Variants in PDCD11 observed in about 807,000 individuals in gnomAD.
PDCD11 encodes protein RRP5 homolog.
A neutral mutation model predicts 198.9 loss-of-function variants in PDCD11; 97 were observed. That is an observed-to-expected ratio of 0.49 (90% CI 0.41 to 0.58). PDCD11 has a LOEUF of 0.58. Ranked by LOEUF, PDCD11 falls within the 20% of genes least tolerant of loss-of-function variation. PDCD11 has a pLI of 0.00. For missense variants in PDCD11, 2,102 were observed against 2,312.7 expected (o/e 0.91, Z 1.87); for synonymous variants, 893 against 918.0 (o/e 0.97, Z 0.49).
Position 103,405,136 on chromosome 10 carries a change from A to C in PDCD11, c.517A>C (p.Lys173Gln). 1 of 1,613,972 alleles carries C rather than the reference A, an allele frequency of 6.2e-7. No homozygotes were observed. The highest frequency in any genetic ancestry group is 8.5e-7 in the Non-Finnish European group (1 of 1,179,898). ...GAGTGTCAAGCTGTCTCTGAACCCC[A>C]AAAATGTCAACAGAGTGCTGAGTGC... ...KKSVKLSLNP[K>Q]NVNRVLSAEA... The change falls in exon 5 of 36, where the codon AAA (lysine) becomes CAA (glutamine). Residue 173 changes from lysine to glutamine, a missense_variant. Coordinates refer to ENST00000369797, the MANE Select transcript of PDCD11 (RefSeq NM_014976.2).
intron 1 of PDCD11, among the ~76,000 whole-genome samples, 184 bp downstream of exon 1, chr10:103,396,914 A>G (rs917883858): frequency 1.1e-4 from 17 of 152,082 alleles, no homozygotes; most frequent in African/African-American, 4.1e-4. Flanking sequence ...TAGCCTAAGT[A>G]TCTTCTGTGC....
At chr10:103,431,094 G>A (rs2031915987) in intron 21 of PDCD11, among the ~76,000 whole-genome samples, 1 of 151,964 alleles carries the variant, frequency 6.6e-6, no homozygotes, top group South Asian at 2.1e-4. Flanking sequence ...TACTAGATAG[G>A]AAAGTTCCCA....
chr10:103,430,468 T>C (rs1364537669), intron 21 of PDCD11, among the ~76,000 whole-genome samples: 1 of 152,242 alleles, frequency 6.6e-6, no homozygotes, highest in Non-Finnish European at 1.5e-5. Flanking sequence ...TCAGTTCTTT[T>C]GAGTATATAC....
At chr10:103,439,321 G>A (rs1421653264) in intron 27 of PDCD11, among the ~76,000 whole-genome samples, 1 of 152,166 alleles carries the variant, frequency 6.6e-6, no homozygotes, top group Non-Finnish European at 1.5e-5. Context: ...CAGCCTGGGA[G>A]GCAGTGATAC....
At chr10:103,430,816 T>TG (rs976971635) in intron 21 of PDCD11, among the ~76,000 whole-genome samples, 33 of 150,852 alleles carry the variant, frequency 2.2e-4, no homozygotes, top group African/African-American at 4.9e-4. Flanking sequence ...TTTTTTTTTT[T>TG]AAATGGAGTT....
At chr10:103,401,548 C>T (rs1337549084) in intron 3 of PDCD11, among the ~76,000 whole-genome samples, 2 of 152,112 alleles carry the variant, frequency 1.3e-5, no homozygotes, top group African/African-American at 4.8e-5. Context: ...GAATCACAGG[C>T]GTGAGCCACC....
intron 33 of PDCD11, 87 bp downstream of exon 33, chr10:103,443,420 G>A (rs1273310462): frequency 8.1e-7 from 1 of 1,234,912 alleles, no homozygotes; most frequent in Non-Finnish European, 1.1e-6. Flanking sequence ...GTCCAGTCCT[G>A]CTGTGAGCTT....
chr10:103,436,037 T>C (rs2032139691), intron 25 of PDCD11, among the ~76,000 whole-genome samples: 1 of 151,792 alleles, frequency 6.6e-6, no homozygotes, highest in Non-Finnish European at 1.5e-5. Context: ...TTTCTTTTTT[T>C]TTTTTTTTGA....
At chr10:103,435,749 G>A (rs2032127099) in intron 25 of PDCD11, among the ~76,000 whole-genome samples, 1 of 152,206 alleles carries the variant, frequency 6.6e-6, no homozygotes, top group Non-Finnish European at 1.5e-5. Flanking sequence ...CTGACCTCAG[G>A]TGATCTGCCC....
chr10:103,431,639 T>TAA (rs35327241), intron 21 of PDCD11, among the ~76,000 whole-genome samples: 4,269 of 149,184 alleles, frequency 0.029, 70 homozygotes, highest in South Asian at 0.078. Flanking sequence ...CTCATTTTAT[T>TAA]AAAAAAAAAA....
chr10:103,422,155 A>G (rs1008466487), intron 17 of PDCD11, among the ~76,000 whole-genome samples: 1 of 150,574 alleles, frequency 6.6e-6, no homozygotes, highest in Non-Finnish European at 1.5e-5. Context: ...GATCTTGGCC[A>G]CTGCAACTTC....
chr10:103,405,858 G>A (rs7919031), intron 5 of PDCD11, 127 bp from the exon 6 acceptor site: 992,655 of 1,001,550 alleles, frequency 0.99, 492,440 homozygotes, highest in East Asian at 1. Context: ...TGTGGCTTAA[G>A]GTTTAATGTG....
chr10:103,414,149 C>T (rs917670936), intron 10 of PDCD11, 59 bp downstream of exon 10: 19 of 1,584,426 alleles, frequency 1.2e-5, no homozygotes, highest in Middle Eastern at 3.4e-4. Flanking sequence ...TGTTCATATT[C>T]CATTTCTCCT....
chr10:103,421,584 G>T lies in PDCD11; in HGVS notation c.2497+17G>T. 1 of 1,541,954 alleles carries T rather than the reference G, an allele frequency of 6.5e-7. No individual in the cohort carries two copies. The highest frequency in any genetic ancestry group is 1.2e-5 in the South Asian group (1 of 83,954). On this transcript the variant is annotated intron_variant, in intron 17 of 35. Transcript: ENST00000369797. ...GCAACCGAGGTGGGGCACCTGTGGG[G>T]CAGGGGAGGTGGGCCAGGGGTGGGA... is the stretch of plus-strand genomic sequence containing the variant.
At chr10:103,438,858 G>T in intron 27 of PDCD11, 50 bp downstream of exon 27, 1 of 1,604,690 alleles carries the variant, frequency 6.2e-7, no homozygotes, top group Non-Finnish European at 8.5e-7. Context: ...CCCTGAGCCT[G>T]TGTTGCTCTG....
At chr10:103,403,419 C>A in intron 4 of PDCD11, 134 bp downstream of exon 4, 1 of 775,496 alleles carries the variant, frequency 1.3e-6, no homozygotes, top group Non-Finnish European at 2.1e-6. Flanking sequence ...GAATTTTTGA[C>A]TAAGTCTGGG....
intron 3 of PDCD11, among the ~76,000 whole-genome samples, chr10:103,401,867 T>C (rs1176562731): frequency 6.6e-6 from 1 of 151,878 alleles, no homozygotes; most frequent in Non-Finnish European, 1.5e-5. Flanking sequence ...CTCAGCCTCC[T>C]GAGTAGCTGG....
Position 103,442,311 on chromosome 10 carries a change from A to G in PDCD11, c.4806A>G (p.Pro1602=), listed in dbSNP as rs113278258. Residue 1602 remains proline, a synonymous_variant, in exon 32 of 36, where the codon CCA becomes CCG. Coordinates refer to ENST00000369797, the MANE Select transcript of PDCD11 (RefSeq NM_014976.2). The stretch of plus-strand genomic sequence containing the variant: ...CGCTGATGGATCCTGGGCGGCAGCC[A>G]GAGTCCGCGGATGATTTTGACCGAC... ...EEALMDPGRQ[P]ESADDFDRLV... The G allele has an allele frequency of 3.4e-4, 555 of 1,614,178 alleles. 3 individuals carry two copies. In the African/African-American group the frequency reaches 4.7e-3, roughly 14 times the overall value.
chr10:103,397,211 C>CTTT (rs11316851), intron 1 of PDCD11, among the ~76,000 whole-genome samples: 5 of 124,830 alleles, frequency 4.0e-5, no homozygotes, highest in Admixed American at 8.3e-5. Context: ...CATTTGAATC[C>CTTT]TTTTTTTTTT....
Sources: allele counts gnomAD v4.1 joint callset (sites outside exome capture counted in the v4.1 genomes callset), GRCh38; gene constraint gnomAD v4.1.1; transcripts MANE v1.5; gene names NCBI Gene and HGNC (gene_info 2026-07-23, HGNC 2026-07-21).